Variants in CBLB observed in about 807,000 individuals in gnomAD.
CBLB encodes Cbl proto-oncogene B, also known as E3 ubiquitin-protein ligase CBL-B.
In CBLB, 31 loss-of-function variants were observed where a neutral mutation model predicts 104.9. That is an observed-to-expected ratio of 0.30 (90% CI 0.22 to 0.40). The LOEUF (loss-of-function observed/expected upper bound fraction) is 0.40. Ranked by LOEUF, CBLB falls within the 10% of genes least tolerant of loss-of-function variation. CBLB has a pLI of 1.00. For missense variants in CBLB, 1,062 were observed against 1,214.6 expected, an observed-to-expected ratio of 0.87 and a Z score of 1.87; for synonymous variants, 440 against 422.6, an observed-to-expected ratio of 1.04 and a Z score of -0.51.
At chr3:105,827,616 A>C (rs548559863) in intron 3 of CBLB, among the ~76,000 whole-genome samples, 1 of 152,242 alleles carries the variant, frequency 6.6e-6, no homozygotes, top group African/African-American at 2.4e-5. Flanking sequence ...CAAAGGCAGA[A>C]AGGGGAGGGA....
intron 3 of CBLB, among the ~76,000 whole-genome samples, chr3:105,815,449 T>C (rs973442184): frequency 6.6e-6 from 1 of 152,128 alleles, no homozygotes; most frequent in Non-Finnish European, 1.5e-5. Context: ...AGAAATTTCA[T>C]GATGTATCAC....
At chr3:105,788,918 C>G (rs922492817) in intron 3 of CBLB, among the ~76,000 whole-genome samples, 1 of 152,136 alleles carries the variant, frequency 6.6e-6, no homozygotes, top group Non-Finnish European at 1.5e-5. Context: ...CTGAGGAAGT[C>G]CAAGAAATCA....
intron 17 of CBLB, chr3:105,673,261 G>A (rs1464384328): frequency 6.6e-6 from 1 of 152,172 alleles, no homozygotes; most frequent in Non-Finnish European, 1.5e-5. Context: ...TAGAGCTGGA[G>A]TTTCACCATG....
Position 105,658,987 on chromosome 3 carries a change from G to C in CBLB, c.2932C>G (p.Pro978Ala). ...TCTGGCTGCTATAGATTTAGACGTG[G>C]GGATACTGGAGGAGGGAAGGCAAAT... ...REFAFPPPVSPRLNL is the reference protein window; with the variant it reads ...REFAFPPPVSARLNL The change falls in exon 19 of 19, where the codon CCA (proline) becomes GCA (alanine). Residue 978 changes from proline (P) to alanine (A), a missense_variant. Physicochemically the swap from Pro to Ala is conservative, Grantham distance 27. Coordinates refer to ENST00000394030, the MANE Select transcript of CBLB (RefSeq NM_170662.5). The C allele has an allele frequency of 6.2e-7, 1 of 1,613,866 alleles. No individual in the cohort carries two copies. The highest frequency in any genetic ancestry group is 8.5e-7 in the Non-Finnish European group (1 of 1,179,874).
intron 4 of CBLB, among the ~76,000 whole-genome samples, chr3:105,771,111 A>G (rs1394063979): frequency 6.6e-6 from 1 of 152,178 alleles, no homozygotes; most frequent in South Asian, 2.1e-4. Context: ...ACTACAGACC[A>G]ATATCTCTGA....
intron 3 of CBLB, among the ~76,000 whole-genome samples, chr3:105,811,151 G>A (rs1320400385): frequency 1.3e-5 from 2 of 152,042 alleles, no homozygotes; most frequent in Admixed American, 6.6e-5. Context: ...AAGTCCTGCT[G>A]GGCAAAAACA....
chr3:105,818,515 T>G (rs1044767763), intron 3 of CBLB, among the ~76,000 whole-genome samples: 1 of 152,156 alleles, frequency 6.6e-6, no homozygotes, highest in African/African-American at 2.4e-5. Context: ...ATAAAAATGC[T>G]AAGAAATTGC....
Position 105,685,303 on chromosome 3 carries a change from T to C in CBLB, c.2201+17A>G, listed in dbSNP as rs763880937. ...CTTATGCAGATGTAAGTGGCAAAAATCTGCCCATACTCTTACCGAACAGGA... is the reference window on the plus strand; with the variant it reads ...CTTATGCAGATGTAAGTGGCAAAAACCTGCCCATACTCTTACCGAACAGGA... On this transcript the variant is annotated intron_variant, in intron 14 of 18. Coordinates refer to ENST00000394030, the MANE Select transcript of CBLB (RefSeq NM_170662.5). The C allele has an allele frequency of 6.2e-7, 1 of 1,611,294 alleles. No homozygotes were observed. The highest frequency in any genetic ancestry group is 1.7e-5 in the Admixed American group (1 of 60,026).
chr3:105,666,986 T>C (rs1300857289), intron 18 of CBLB, among the ~76,000 whole-genome samples: 1 of 152,202 alleles, frequency 6.6e-6, no homozygotes, highest in Non-Finnish European at 1.5e-5. Context: ...GAAGCCACGA[T>C]TTCCAATTGA....
chr3:105,850,937 C>T (rs894911421), intron 3 of CBLB, among the ~76,000 whole-genome samples: 1 of 152,120 alleles, frequency 6.6e-6, no homozygotes, highest in South Asian at 2.1e-4. Flanking sequence ...ACTTTGGAAC[C>T]AGTCAAGGGG....
intron 3 of CBLB, among the ~76,000 whole-genome samples, chr3:105,801,702 T>C (rs1300237210): frequency 6.6e-6 from 1 of 152,252 alleles, no homozygotes; most frequent in Non-Finnish European, 1.5e-5. Flanking sequence ...CAATCTGTTG[T>C]TGTTGCTTTG....
chr3:105,669,064 A>AC (rs2064781392), intron 18 of CBLB, among the ~76,000 whole-genome samples: 4 of 51,908 alleles, frequency 7.7e-5, no homozygotes, highest in Non-Finnish European at 1.5e-4. Context: ...TTGTCCACTC[A>AC]AATCCATCCA....
intron 3 of CBLB, among the ~76,000 whole-genome samples, chr3:105,847,390 C>T (rs1270866733): frequency 4.2e-5 from 5 of 118,840 alleles, no homozygotes; most frequent in Non-Finnish European, 8.7e-5. Context: ...TGTAACCCTC[C>T]ACCACACACA....
chr3:105,800,286 G>C (rs1380014969), intron 3 of CBLB, among the ~76,000 whole-genome samples: 1 of 152,180 alleles, frequency 6.6e-6, no homozygotes, highest in Non-Finnish European at 1.5e-5. Context: ...CTATTAGAGA[G>C]TTCAGTTCCC....
At chr3:105,689,699 T>C (rs1235037679) in intron 13 of CBLB, among the ~76,000 whole-genome samples, 1 of 151,568 alleles carries the variant, frequency 6.6e-6, no homozygotes, top group Non-Finnish European at 1.5e-5. Context: ...TATTTCAAAA[T>C]AAATATAATT....
At chr3:105,819,659 T>C (rs1417255995) in intron 3 of CBLB, among the ~76,000 whole-genome samples, 3 of 152,184 alleles carry the variant, frequency 2.0e-5, no homozygotes, top group Admixed American at 6.5e-5. Context: ...TTTGCAGGAA[T>C]TGATAAGAAG....
rs774686700 is a variant in CBLB at position 105,658,933 on chromosome 3, C to G, written c.*37G>C. 1.2e-6 allele frequency: 2 copies of G among 1,604,026 alleles called. No homozygotes were observed. Among genetic ancestry groups the G allele is most frequent in the South Asian group, 2.2e-5 (2 of 90,822 alleles). On this transcript the variant is annotated 3_prime_UTR_variant, in exon 19 of 19. Coordinates refer to ENST00000394030, the MANE Select transcript of CBLB (RefSeq NM_170662.5). ...TTATTTCCACACTCTTGGAATACATCGATTGCTTTCCATTTTGGTGTCTAC... is the reference window on the plus strand; with the variant it reads ...TTATTTCCACACTCTTGGAATACATGGATTGCTTTCCATTTTGGTGTCTAC...
At chr3:105,754,903 A>C (rs563564297) in intron 4 of CBLB, among the ~76,000 whole-genome samples, 49 of 152,326 alleles carry the variant, frequency 3.2e-4, no homozygotes, top group African/African-American at 1.2e-3. Flanking sequence ...ATGAGAGATA[A>C]GAACATGATA....
intron 2 of CBLB, among the ~76,000 whole-genome samples, chr3:105,862,216 T>C (rs993386087): frequency 5.3e-5 from 8 of 152,250 alleles, no homozygotes; most frequent in African/African-American, 1.7e-4. Flanking sequence ...CTACCAAATA[T>C]GTGTCTCTTG....
Sources: gnomAD v4.1 joint callset for allele counts (sites outside exome capture counted in the v4.1 genomes callset) on GRCh38, gnomAD v4.1.1 for gene constraint, MANE v1.5 for transcripts, NCBI Gene and HGNC (gene_info 2026-07-23, HGNC 2026-07-21) for gene names.